CCDC171: variants seen among roughly 807,000 people sequenced by gnomAD.
The protein encoded by CCDC171 is coiled-coil domain-containing protein 171.
A neutral mutation model predicts 168.2 loss-of-function variants in CCDC171; 177 were observed. That is an observed-to-expected ratio of 1.05 (90% confidence interval 0.93 to 1.19). The LOEUF (loss-of-function observed/expected upper bound fraction) is 1.19, where lower values mean the gene tolerates loss of function less well. CCDC171 is among the 50% of genes most tolerant of loss of function. The pLI is 0.00. For synonymous variants in CCDC171, 687 were observed against 540.8 expected (o/e 1.27, Z -3.75); for missense variants, 1,991 against 1,539.0 (o/e 1.29, Z -4.91).
At chr9:15,789,961 A>G (rs937368326) in intron 21 of CCDC171, among the ~76,000 whole-genome samples, 1 of 152,088 alleles carries the variant, frequency 6.6e-6, no homozygotes, top group East Asian at 1.9e-4. Context: ...ATAGTATTCC[A>G]TGGTGTATAT....
At chr9:15,960,213 C>T (rs1208912802) in intron 25 of CCDC171, among the ~76,000 whole-genome samples, 2 of 152,128 alleles carry the variant, frequency 1.3e-5, no homozygotes, top group Non-Finnish European at 2.9e-5. Flanking sequence ...CATAGTATTT[C>T]AACAGATTAT....
chr9:15,734,033 C>G (rs1291948968), intron 16 of CCDC171, among the ~76,000 whole-genome samples: 1 of 152,102 alleles, frequency 6.6e-6, no homozygotes, highest in Admixed American at 6.5e-5. Flanking sequence ...CCTTGGTCTC[C>G]CTAAGTGTTG....
intron 4 of CCDC171, among the ~76,000 whole-genome samples, chr9:15,584,571 T>TCA (rs1223795359): frequency 6.6e-6 from 1 of 152,132 alleles, no homozygotes; most frequent in Admixed American, 6.5e-5. Flanking sequence ...AGGTGATAGA[T>TCA]CACATGAGGG....
At chr9:15,793,479 C>T (rs200068202) in intron 21 of CCDC171, among the ~76,000 whole-genome samples, 1 of 151,384 alleles carries the variant, frequency 6.6e-6, no homozygotes, top group Admixed American at 6.6e-5. Flanking sequence ...CCTAGTAGAC[C>T]TCTACAGAAC....
At chr9:15,976,116 G>T (rs973911246), downstream of CCDC171, among the ~76,000 whole-genome samples, 1 of 152,160 alleles carries the variant, frequency 6.6e-6, no homozygotes, top group Non-Finnish European at 1.5e-5. Flanking sequence ...TCTCCTCTCA[G>T]AGCCTCCAGG....
At chr9:15,907,760 C>G (rs576156738) in intron 24 of CCDC171, among the ~76,000 whole-genome samples, 1 of 152,178 alleles carries the variant, frequency 6.6e-6, no homozygotes, top group Non-Finnish European at 1.5e-5. Context: ...ATCTAGTCAT[C>G]TGACAAAGGG....
At chr9:15,646,420 A>G (rs1285619215) in intron 7 of CCDC171, among the ~76,000 whole-genome samples, 5 of 152,354 alleles carry the variant, frequency 3.3e-5, no homozygotes, top group Admixed American at 3.3e-4. Context: ...TTAAATGTAA[A>G]TGGGCTAAAT....
chr9:16,053,706 G>A (rs896296153), intron 1 of CCDC171, among the ~76,000 whole-genome samples: 3 of 152,220 alleles, frequency 2.0e-5, no homozygotes, highest in African/African-American at 7.2e-5. Context: ...GCTGCAGTGT[G>A]GGGCCGGAGA....
Position 15,724,892 on chromosome 9 carries a change from C to G in CCDC171, c.1608C>G (p.His536Gln). 1.2e-6 allele frequency: 2 copies of G among 1,613,914 alleles called. No individual in the cohort carries two copies. The highest frequency in any genetic ancestry group is 1.7e-6 in the Non-Finnish European group (2 of 1,179,890). ...TLKVELQNVL[H>Q]CWEKEKAQAA... ...AAGTGGAACTACAAAATGTGCTGCA[C>G]TGTTGGGAGAAAGAAAAGGCTCAGG... The change falls in exon 14 of 26, where the codon CAC becomes CAG. Residue 536 changes from histidine (H) to glutamine (Q), a missense_variant. Physicochemically the swap from His to Gln is conservative, Grantham distance 24. Transcript: ENST00000380701.
intron 14 of CCDC171, among the ~76,000 whole-genome samples, chr9:15,727,546 C>T (rs531824962): frequency 7.9e-5 from 12 of 152,244 alleles, no homozygotes; most frequent in African/African-American, 2.6e-4. Context: ...CCATATGCTT[C>T]GTGTGATAGC....
chr9:15,624,533 A>G (rs1020888034), intron 7 of CCDC171, among the ~76,000 whole-genome samples: 19 of 152,010 alleles, frequency 1.2e-4, no homozygotes, highest in African/African-American at 2.4e-4. Flanking sequence ...TCATTGTTCA[A>G]TTCTCACCTA....
chr9:15,737,197 A>T (rs1461315217), intron 16 of CCDC171, among the ~76,000 whole-genome samples: 1 of 152,098 alleles, frequency 6.6e-6, no homozygotes, highest in Non-Finnish European at 1.5e-5. Context: ...TATATATGTT[A>T]TATACCAAAT....
intron 7 of CCDC171, among the ~76,000 whole-genome samples, chr9:15,638,562 A>G (rs1216326980): frequency 6.6e-6 from 1 of 152,138 alleles, no homozygotes; most frequent in Non-Finnish European, 1.5e-5. Flanking sequence ...CTAATAAAAT[A>G]GACATTTAGC....
intron 23 of CCDC171, among the ~76,000 whole-genome samples, chr9:15,863,265 A>G (rs925623092): frequency 6.6e-6 from 1 of 151,940 alleles, no homozygotes; most frequent in African/African-American, 2.4e-5. Context: ...TTACGATTAG[A>G]GAGTGTCTTC....
chr9:16,040,644 CA>C (rs2095130177), upstream of CCDC171, among the ~76,000 whole-genome samples: 1 of 152,222 alleles, frequency 6.6e-6, no homozygotes, highest in Admixed American at 6.5e-5. Flanking sequence ...AGGGTTAAAT[CA>C]TAGAGTGTTT....
At chr9:15,926,383 A>G (rs1208753181) in intron 25 of CCDC171, among the ~76,000 whole-genome samples, 1 of 151,700 alleles carries the variant, frequency 6.6e-6, no homozygotes, top group Non-Finnish European at 1.5e-5. Context: ...ACTGCTTGCA[A>G]TAGTCATTCC....
intron 8 of CCDC171, among the ~76,000 whole-genome samples, chr9:15,662,978 C>A (rs1224886970): frequency 8.2e-6 from 1 of 122,666 alleles, no homozygotes; most frequent in African/African-American, 3.4e-5. Context: ...GAGACTTCGT[C>A]TCAACAACAA....
chr9:15,556,854 T>C (rs2038844258), intron 1 of CCDC171, among the ~76,000 whole-genome samples: 2 of 152,142 alleles, frequency 1.3e-5, no homozygotes, highest in South Asian at 2.1e-4. Context: ...GATTTTCTTC[T>C]AGGGTTTTTA....
intron 3 of CCDC171, among the ~76,000 whole-genome samples, chr9:16,000,076 A>G (rs1832494128): frequency 1.3e-5 from 2 of 152,304 alleles, no homozygotes; most frequent in South Asian, 4.1e-4. Flanking sequence ...TTAAAGAAGC[A>G]TTTTTTAACT....
Sources: allele counts gnomAD v4.1 joint callset (sites outside exome capture counted in the v4.1 genomes callset), GRCh38; gene constraint gnomAD v4.1.1; transcripts MANE v1.5; gene names NCBI Gene and HGNC (gene_info 2026-07-23, HGNC 2026-07-21).